NCKAP5: variants seen among roughly 807,000 people sequenced by gnomAD.
NCKAP5 encodes the protein NCK associated protein 5, also known as nck-associated protein 5.
NCKAP5 carries 92 observed loss-of-function variants against 167.0 expected under a neutral mutation model. The ratio of observed to expected loss-of-function variants is 0.55; its 90% CI spans 0.47 to 0.66. The LOEUF is 0.66. Ranked by LOEUF, NCKAP5 falls within the 30% of genes least tolerant of loss-of-function variation. NCKAP5 has a pLI of 0.00. For synonymous variants in NCKAP5, 891 were observed against 877.4 expected, an observed-to-expected ratio of 1.02 and a Z score of -0.27; for missense variants, 2,378 against 2,315.0, an observed-to-expected ratio of 1.03 and a Z score of -0.56.
intron 6 of NCKAP5, among the ~76,000 whole-genome samples, chr2:133,073,228 T>TC (rs1275216598): frequency 2.0e-5 from 3 of 151,548 alleles, no homozygotes; most frequent in East Asian, 3.9e-4. Context: ...AGGGAAATCT[T>TC]TTTTTTTTCT....
chr2:133,142,136 T>C (rs1469935143), intron 5 of NCKAP5, among the ~76,000 whole-genome samples: 1 of 152,162 alleles, frequency 6.6e-6, no homozygotes, highest in African/African-American at 2.4e-5. Context: ...TGAGTGCAGT[T>C]AATCTACAGA....
rs1160414610 is a variant in NCKAP5 at position 132,784,505 on chromosome 2, T to C, written c.2306A>G (p.Gln769Arg). The C allele has an allele frequency of 6.4e-7, 1 of 1,570,046 alleles. No homozygotes were observed. The highest frequency in any genetic ancestry group is 1.4e-5 in the African/African-American group (1 of 73,408). ...TGTTGGTTTGACCAGCTTTTGCTGC[T>C]GAGGATTTTGTGTCACTGTCCTGGA... is the stretch of plus-strand genomic sequence containing the variant. ...FSSRTVTQNP[Q>R]QQKLVKPTHN... is the part of the protein sequence containing the mutation. Residue 769 changes from glutamine (Q) to arginine (R), a missense_variant, in exon 14 of 20, where the codon CAG becomes CGG. By Grantham distance (43) the Gln-to-Arg change is conservative. Coordinates refer to ENST00000409261, the MANE Select transcript of NCKAP5 (RefSeq NM_207363.3).
At chr2:133,260,943 GA>G (rs1029587145) in intron 4 of NCKAP5, among the ~76,000 whole-genome samples, 1 of 151,920 alleles carries the variant, frequency 6.6e-6, no homozygotes, top group Non-Finnish European at 1.5e-5. Context: ...AATTAAATTA[GA>G]AAAAAATGTT....
At chr2:133,153,742 G>C (rs965771138) in intron 5 of NCKAP5, among the ~76,000 whole-genome samples, 5 of 146,520 alleles carry the variant, frequency 3.4e-5, no homozygotes, top group Admixed American at 3.4e-4. Flanking sequence ...GTCCTAGAAT[G>C]CCTTCCCCTC....
At chr2:132,856,766 C>T (rs1689504403) in intron 11 of NCKAP5, among the ~76,000 whole-genome samples, 1 of 152,148 alleles carries the variant, frequency 6.6e-6, no homozygotes, top group Non-Finnish European at 1.5e-5. Context: ...GCCCTCTGAT[C>T]TGACTCAATC....
At chr2:133,647,473 G>GGAAAGGAAAGGA in the NCKAP5 span, among the ~76,000 whole-genome samples, 4 of 62,600 alleles carry the variant, frequency 6.4e-5, no homozygotes, top group African/African-American at 3.0e-4. Flanking sequence ...AAGGGCAAGG[G>GGAAAGGAAAGGA]AAGGAAAGGA....
chr2:133,108,397 C>T (rs2081791719), intron 6 of NCKAP5, among the ~76,000 whole-genome samples: 1 of 152,180 alleles, frequency 6.6e-6, no homozygotes, highest in Non-Finnish European at 1.5e-5. Context: ...AAGAACCATG[C>T]TCCTACATCT....
At chr2:132,828,879 T>C (rs1184505516) in intron 11 of NCKAP5, among the ~76,000 whole-genome samples, 1 of 152,134 alleles carries the variant, frequency 6.6e-6, no homozygotes, top group East Asian at 1.9e-4. Flanking sequence ...AATACACCCA[T>C]TGCCTTCCTA....
rs1185832600 is a variant in NCKAP5, at chr2:132,693,619, C to CTTT, written c.5714-20317_5714-20315dup. Among the ~76,000 whole-genome samples, 401 of 84,472 alleles carry CTTT rather than the reference C, an allele frequency of 4.7e-3. 5 individuals carry two copies. The highest frequency in any genetic ancestry group is 0.02 in the Middle Eastern group (2 of 100). 55.4% of individuals were successfully genotyped at this position (84,472 alleles called of 152,430 possible). Reference sequence around the variant, plus strand: ...GAATACCCCGAATACCCCACCCCGCCTTTTTTTTTTTTTTTTTTTTTTTTG... The same window carrying CTTT: ...GAATACCCCGAATACCCCACCCCGCCTTTTTTTTTTTTTTTTTTTTTTTTTTTG... On this transcript the variant is annotated intron_variant, in intron 19 of 19. Transcript: ENST00000409261.
At chr2:132,927,587 G>C (rs528343972) in intron 8 of NCKAP5, among the ~76,000 whole-genome samples, 1 of 152,006 alleles carries the variant, frequency 6.6e-6, no homozygotes, top group South Asian at 2.1e-4. Context: ...CATCTCTTTG[G>C]TTAAACGTAT....
intron 4 of NCKAP5, among the ~76,000 whole-genome samples, chr2:133,286,531 G>T (rs1679155473): frequency 6.6e-6 from 1 of 152,116 alleles, no homozygotes. Context: ...GGAATTTTAG[G>T]TATTTTGCCT....
At chr2:133,530,047 A>G (rs1685236850) in intron 2 of NCKAP5, among the ~76,000 whole-genome samples, 1 of 152,196 alleles carries the variant, frequency 6.6e-6, no homozygotes, top group Non-Finnish European at 1.5e-5. Flanking sequence ...AAATTAAAAG[A>G]CCATTTTCCA....
At chr2:132,949,091 G>T (rs566377810) in intron 8 of NCKAP5, among the ~76,000 whole-genome samples, 1 of 129,828 alleles carries the variant, frequency 7.7e-6, no homozygotes, top group South Asian at 2.5e-4. Flanking sequence ...CCCCCACCCT[G>T]CCCCATCCAG....
chr2:133,583,106 T>C, the NCKAP5 span, among the ~76,000 whole-genome samples: 15 of 149,226 alleles, frequency 1.0e-4, no homozygotes, highest in Non-Finnish European at 4.5e-5. Flanking sequence ...AGGAAATAAA[T>C]AGACCAGAGA....
At chr2:133,552,511 C>T (rs1198706307) in intron 2 of NCKAP5, among the ~76,000 whole-genome samples, 114 of 142,888 alleles carry the variant, frequency 8.0e-4, no homozygotes, top group African/African-American at 2.7e-3. Flanking sequence ...AACCAAACAC[C>T]GCATATTCTC....
At chr2:133,405,850 C>G (rs1173460431) in intron 3 of NCKAP5, among the ~76,000 whole-genome samples, 1 of 152,226 alleles carries the variant, frequency 6.6e-6, no homozygotes, top group African/African-American at 2.4e-5. Context: ...TCCCCAGCAT[C>G]TATGACAGAG....
In NCKAP5 at chr2:133,540,643, T is replaced by C. The variant is rs181093143; in HGVS notation, c.-62+18407A>G. The stretch of plus-strand genomic sequence containing the variant: ...TCTAATTATCTATTGCCATTAAAAA[T>C]AGCAATTGAAGGCCAGGCACAGTGG... On this transcript the variant is annotated intron_variant, in intron 2 of 19. Transcript: ENST00000409261. Among the ~76,000 whole-genome samples, 3 of 152,170 alleles carry C rather than the reference T, an allele frequency of 2.0e-5. No individual in the cohort carries two copies. The East Asian group carries it at 5.8e-4, about 29-fold the overall frequency.
intron 19 of NCKAP5, among the ~76,000 whole-genome samples, chr2:132,708,684 G>A (rs1216957788): frequency 6.6e-6 from 1 of 152,236 alleles, no homozygotes; most frequent in Non-Finnish European, 1.5e-5. Context: ...CCTGCTGACC[G>A]TAGAGCGCTT....
chr2:133,513,389 T>C (rs2151427828), intron 3 of NCKAP5, among the ~76,000 whole-genome samples: 1 of 152,292 alleles, frequency 6.6e-6, no homozygotes, highest in South Asian at 2.1e-4. Flanking sequence ...GATCTCCTGC[T>C]AGGAGACAAG....
Sources: allele counts gnomAD v4.1 joint callset (sites outside exome capture counted in the v4.1 genomes callset), GRCh38; gene constraint gnomAD v4.1.1; transcripts MANE v1.5; gene names NCBI Gene and HGNC (gene_info 2026-07-23, HGNC 2026-07-21).